The following SLC25A37 variants were observed in gnomAD, a reference collection of about 807,000 sequenced individuals.
SLC25A37 encodes mitoferrin-1.
Under a neutral mutation model 31.0 loss-of-function variants are expected in SLC25A37, and 17 were observed. The ratio of observed to expected loss-of-function variants is 0.55; its 90% CI spans 0.38 to 0.82. SLC25A37 has a LOEUF of 0.82. Ranked by LOEUF, SLC25A37 falls within the 40% of genes least tolerant of loss-of-function variation. SLC25A37 has a pLI of 0.00. For missense variants in SLC25A37, 404 were observed against 465.8 expected (o/e 0.87, Z 1.22); for synonymous variants, 222 against 193.0 (o/e 1.15, Z -1.24).
At chr8:23,571,208 C>T (rs1802819345) in intron 3 of SLC25A37, 127 bp from the exon 4 acceptor site, 1 of 1,168,414 alleles carries the variant, frequency 8.6e-7, no homozygotes, top group Non-Finnish European at 1.2e-6. Flanking sequence ...TGGCTCTCGC[C>T]TGTTTCCGGT....
chr8:23,552,572 G>A (rs7823011), intron 1 of SLC25A37, among the ~76,000 whole-genome samples: 2,455 of 152,206 alleles, frequency 0.016, 58 homozygotes, highest in South Asian at 0.1. Context: ...CAGAAGGAAC[G>A]CTGTCTTACC....
chr8:23,559,370 C>T (rs1401635977), intron 1 of SLC25A37, among the ~76,000 whole-genome samples: 3 of 124,958 alleles, frequency 2.4e-5, no homozygotes, highest in East Asian at 2.5e-4. Context: ...TGTGCGCGCG[C>T]GCGTGTGTGT....
intron 1 of SLC25A37, among the ~76,000 whole-genome samples, chr8:23,549,393 A>G (rs1359407225): frequency 6.6e-6 from 1 of 152,172 alleles, no homozygotes; most frequent in African/African-American, 2.4e-5. Flanking sequence ...AATCTCACTC[A>G]TGATGGAAGG....
rs1801609254 is a variant in SLC25A37, at chr8:23,529,191, G to T, written c.189G>T (p.Met63Ile). 6.2e-7 allele frequency: 1 copy of T among 1,609,988 alleles called. No homozygotes were observed. The highest frequency in any genetic ancestry group is 1.1e-5 in the South Asian group (1 of 90,516). The change falls in exon 1 of 4, where the codon ATG becomes ATT. Residue 63 changes from methionine (M) to isoleucine (I), a missense_variant. By Grantham distance (10) the Met-to-Ile change is conservative. Coordinates refer to ENST00000519973, the MANE Select transcript of SLC25A37 (RefSeq NM_016612.4). The surrounding 1 kb of genome is among the most constrained non-coding windows in gnomAD (Gnocchi z 4.1). ...AMAGILEHSV[M>I]YPVDSVKTRM... Reference sequence around the variant, plus strand: ...CCGGGATCCTGGAGCACTCGGTCATGTACCCGGTGGACTCGGTGAAGGTGA... The same window carrying T: ...CCGGGATCCTGGAGCACTCGGTCATTTACCCGGTGGACTCGGTGAAGGTGA...
rs148518831 is a variant in SLC25A37, at chr8:23,567,023, G to T, written c.439+687G>T. On this transcript the variant is annotated intron_variant, in intron 2 of 3. Transcript: ENST00000519973. ...GTGCAAATCTGCCAGCAGCTCTTAC[G>T]TAAGGCATGTTTTATTGGGGAGGGC... 2.4e-3 allele frequency: 398 copies of T among 162,454 alleles called. 2 individuals carry two copies. The highest frequency in any genetic ancestry group is 3.7e-3 in the Non-Finnish European group (287 of 77,544). The allele number at this position is 162,454 out of a possible 1,614,324, so 10.1% of individuals were successfully genotyped here.
chr8:23,542,992 A>C (rs961359956), intron 1 of SLC25A37: 1 of 152,294 alleles, frequency 6.6e-6, no homozygotes, highest in African/African-American at 2.4e-5. Context: ...AAGTGTTATT[A>C]CAAGAGTCAA....
intron 1 of SLC25A37, among the ~76,000 whole-genome samples, chr8:23,558,698 T>G (rs1238507769): frequency 6.6e-6 from 1 of 152,222 alleles, no homozygotes; most frequent in Non-Finnish European, 1.5e-5. Context: ...GGAGTTTCAC[T>G]GTCCTGGAGC....
intron 1 of SLC25A37, among the ~76,000 whole-genome samples, chr8:23,545,333 C>G (rs531931847): frequency 6.0e-4 from 92 of 152,320 alleles, no homozygotes; most frequent in African/African-American, 1.7e-3. Flanking sequence ...TGTAGCCTTC[C>G]TCTCTCAGAG....
chr8:23,538,410 GA>G (rs1220928469), intron 1 of SLC25A37, among the ~76,000 whole-genome samples: 7 of 91,050 alleles, frequency 7.7e-5, no homozygotes, highest in African/African-American at 2.3e-4. Flanking sequence ...AAAAAAACCA[GA>G]AAAAAAAACT....
At chr8:23,556,301 G>A (rs747673890) in intron 1 of SLC25A37, among the ~76,000 whole-genome samples, 7 of 149,790 alleles carry the variant, frequency 4.7e-5, no homozygotes, top group Non-Finnish European at 7.4e-5. Flanking sequence ...GCTCACTGCA[G>A]CCTCAGTCTC....
Position 23,571,977 on chromosome 8 carries a change from C to A in SLC25A37, c.*122C>A. ...TGCTGCCTATGGGCCCTCTGCTCCC[C>A]AATGCCTTAGAGAGAGGAGGGGACG... On this transcript the variant is annotated 3_prime_UTR_variant, in exon 4 of 4. Transcript: ENST00000519973. 8.9e-7 allele frequency: 1 copy of A among 1,118,420 alleles called. No individual in the cohort carries two copies. Among genetic ancestry groups the A allele is most frequent in the Non-Finnish European group, 1.3e-6 (1 of 788,064 alleles). 69.3% of individuals were successfully genotyped at this position (1,118,420 alleles called of 1,614,324 possible). A position where few individuals can be genotyped will look rare whatever the true frequency, so the allele number is the denominator to read the frequency against.
Position 23,566,497 on chromosome 8 carries a change from C to T in SLC25A37, c.439+161C>T, listed in dbSNP as rs971934348. The T allele has an allele frequency of 6.4e-5, 91 of 1,415,072 alleles. No homozygotes were observed. The African/African-American group carries it at 1.0e-3, about 16-fold the overall frequency. The allele number at this position is 1,415,072 out of a possible 1,614,324, so 87.7% of individuals were successfully genotyped here. A position where few individuals can be genotyped will look rare whatever the true frequency, so the allele number is the denominator to read the frequency against. On this transcript the variant is annotated intron_variant, in intron 2 of 3. Coordinates refer to ENST00000519973, the MANE Select transcript of SLC25A37 (RefSeq NM_016612.4). ...TGCAATGCACACCCAGACACACGCA[C>T]GCACACACACGCGCGCGCACACACA...
chr8:23,567,280 G>C lies in SLC25A37; in HGVS notation c.439+944G>C, dbSNP rs187551502. 2.6e-4 allele frequency: 40 copies of C among 152,230 alleles called. 1 individual carries two copies. The highest frequency in any genetic ancestry group is 9.6e-4 in the African/African-American group (40 of 41,528). 9.4% of individuals were successfully genotyped at this position (152,230 alleles called of 1,614,324 possible). On this transcript the variant is annotated intron_variant, in intron 2 of 3. Coordinates refer to ENST00000519973, the MANE Select transcript of SLC25A37 (RefSeq NM_016612.4). ...ACCTTGGTCATAAGTGTGCCTGGCTGGTTTGCAGATATTTGTTCTGCTTTG... is the reference window on the plus strand; with the variant it reads ...ACCTTGGTCATAAGTGTGCCTGGCTCGTTTGCAGATATTTGTTCTGCTTTG...
In SLC25A37 at chr8:23,566,119, G is replaced by T; in HGVS notation, c.222G>T (p.Gln74His). The T allele has an allele frequency of 1.3e-6, 2 of 1,586,722 alleles. No individual in the cohort carries two copies. The highest frequency in any genetic ancestry group is 1.7e-6 in the Non-Finnish European group (2 of 1,171,582). The change falls in exon 2 of 4, where the codon CAG (glutamine) becomes CAT (histidine). Residue 74 changes from glutamine to histidine, a missense_variant. Coordinates refer to ENST00000519973, the MANE Select transcript of SLC25A37 (RefSeq NM_016612.4). ...YPVDSVKTRM[Q>H]SLSPDPKAQY... ...TTGCCCGCTCCCAGACACGAATGCA[G>T]AGTTTGAGTCCAGATCCCAAAGCCC... is the stretch of plus-strand genomic sequence containing the variant.
chr8:23,546,560 A>AG (rs1563256123), intron 1 of SLC25A37, among the ~76,000 whole-genome samples: 16 of 77,184 alleles, frequency 2.1e-4, no homozygotes, highest in African/African-American at 9.8e-4. Flanking sequence ...TATAGTGTAT[A>AG]TATATATATA....
chr8:23,551,198 A>C (rs991418583), intron 1 of SLC25A37, among the ~76,000 whole-genome samples: 4 of 152,214 alleles, frequency 2.6e-5, no homozygotes, highest in African/African-American at 9.6e-5. Flanking sequence ...TAAACTGATA[A>C]TAGTGATTTC....
chr8:23,562,238 A>AT (rs1164426363), intron 1 of SLC25A37, among the ~76,000 whole-genome samples: 5 of 152,204 alleles, frequency 3.3e-5, no homozygotes, highest in Non-Finnish European at 7.3e-5. Flanking sequence ...TCACAGGCCC[A>AT]TGTTAGGCCC....
At chr8:23,563,975 C>T (rs554685096) in intron 1 of SLC25A37, among the ~76,000 whole-genome samples, 2 of 151,868 alleles carry the variant, frequency 1.3e-5, no homozygotes, top group African/African-American at 2.4e-5. Flanking sequence ...TGTGAGACTC[C>T]GTGTCAAAGA....
intron 1 of SLC25A37, among the ~76,000 whole-genome samples, chr8:23,557,135 G>A (rs1158692144): frequency 6.6e-6 from 1 of 152,192 alleles, no homozygotes; most frequent in Non-Finnish European, 1.5e-5. Context: ...ACAGGTGTGA[G>A]CCGCCACACT....
Sources: gnomAD v4.1 joint callset for allele counts (sites outside exome capture counted in the v4.1 genomes callset) on GRCh38, gnomAD v4.1.1 for gene constraint, Gnocchi (gnomAD v3.1) non-coding constraint, MANE v1.5 for transcripts, NCBI Gene and HGNC (gene_info 2026-07-23, HGNC 2026-07-21) for gene names.